The following IL12RB1 variants were observed in gnomAD, a reference collection of about 807,000 sequenced individuals.
IL12RB1 encodes the protein interleukin 12 receptor subunit beta 1.
In IL12RB1, 64 loss-of-function variants were observed where a neutral mutation model predicts 94.4. The observed-to-expected ratio is 0.68, with a 90% confidence interval of 0.55 to 0.83. The LOEUF is 0.83. IL12RB1 is among the 40% of genes least tolerant of loss of function. The pLI is 0.00. For missense variants in IL12RB1, 814 were observed against 855.6 expected (o/e 0.95, Z 0.61); for synonymous variants, 362 against 355.5 (o/e 1.02, Z -0.21).
At chr19:18,089,719 G>A (rs1599589752), upstream of IL12RB1, among the ~76,000 whole-genome samples, 1 of 152,212 alleles carries the variant, frequency 6.6e-6, no homozygotes, top group Non-Finnish European at 1.5e-5. Context: ...GGAGGGAGAA[G>A]GAGAGGGTCT....
At position 18,072,221 on chromosome 19, in the gene IL12RB1, C is replaced by T. The variant is rs753903068; in HGVS notation, c.912G>A (p.Gly304=). 3 of 1,614,028 alleles carry T rather than the reference C, an allele frequency of 1.9e-6. No individual in the cohort carries two copies. Among genetic ancestry groups the T allele is most frequent in the Non-Finnish European group, 2.5e-6 (3 of 1,179,870 alleles). The change falls in exon 9 of 17, where the codon GGG becomes GGA. Residue 304 remains glycine, a synonymous_variant. Transcript: ENST00000593993. ...CAGCACCCGAGAGATAGGGCATCTT[C>T]CCCAGGTGCAGGGTCCTGGTGGCCT... is the stretch of plus-strand genomic sequence containing the variant. ...KAKATRTLHL[G]KMPYLSGAAY... is the part of the protein sequence containing the mutation.
intron 16 of IL12RB1, 80 bp from the exon 17 acceptor site, chr19:18,059,693 G>C: frequency 1.3e-6 from 1 of 774,396 alleles, no homozygotes; most frequent in Non-Finnish European, 2.4e-6. Context: ...TGGATGGAAT[G>C]GGCTGGGTAT....
At chr19:18,094,730 C>T (rs922099187) in intron 1 of IL12RB1, among the ~76,000 whole-genome samples, 12 of 152,044 alleles carry the variant, frequency 7.9e-5, no homozygotes, top group Admixed American at 3.9e-4. Flanking sequence ...CTGGGCATGG[C>T]GGCATGTGCC....
chr19:18,088,404 T>TATATATATATATATATATATATAA (rs1038225227), upstream of IL12RB1, among the ~76,000 whole-genome samples: 663 of 137,616 alleles, frequency 4.8e-3, 7 homozygotes, highest in East Asian at 9.3e-3. Context: ...TATATATATA[T>TATATATATATATATATATATATAA]AAATTAAAAG....
intron 1 of IL12RB1, among the ~76,000 whole-genome samples, chr19:18,093,172 G>A (rs750064343): frequency 7.9e-5 from 12 of 151,904 alleles, no homozygotes; most frequent in Non-Finnish European, 1.5e-4. Context: ...GGGTGTGGTG[G>A]CAGGTGCCTG....
At chr19:18,065,876 C>CA (rs1270919376) in intron 12 of IL12RB1, among the ~76,000 whole-genome samples, 2 of 150,668 alleles carry the variant, frequency 1.3e-5, no homozygotes, top group East Asian at 2.0e-4. Context: ...CTCATTTCTA[C>CA]AAAAAATAAA....
chr19:18,061,213 G>T lies in IL12RB1; in HGVS notation c.1716-16C>A. On this transcript the variant is annotated splice_polypyrimidine_tract_variant and intron_variant, in intron 14 of 16. Coordinates refer to ENST00000593993, the MANE Select transcript of IL12RB1 (RefSeq NM_005535.3). ...CCGTGCGGCCCTGGGGAGGAAAGGG[G>T]ACCAGTGAGAGGAGCTGAGGTTTTT... 2.1e-6 allele frequency: 3 copies of T among 1,413,286 alleles called. 1 individual carries two copies. Among genetic ancestry groups the T allele is most frequent in the East Asian group, 4.7e-5 (2 of 42,424 alleles). 87.5% of individuals were successfully genotyped at this position (1,413,286 alleles called of 1,614,324 possible).
In IL12RB1 at chr19:18,069,571, C is replaced by T. The variant is rs761031233; in HGVS notation, c.1164G>A (p.Pro388=). 28 of 1,610,550 alleles carry T rather than the reference C, an allele frequency of 1.7e-5. No individual in the cohort carries two copies. The highest frequency in any genetic ancestry group is 9.3e-5 in the African/African-American group (7 of 74,936). The change falls in exon 10 of 17, where the codon CCG becomes CCA. Residue 388 remains proline, a synonymous_variant. Transcript: ENST00000593993. ...GGLATCSLTA[P]QDPDPAGMAT... Reference sequence around the variant, plus strand: ...CCATTCCAGCCGGATCCGGGTCTTGCGGCGCAGTCAGGCTGCAGGTGGCAA... The same window carrying T: ...CCATTCCAGCCGGATCCGGGTCTTGTGGCGCAGTCAGGCTGCAGGTGGCAA...
rs778551843 is a variant in IL12RB1, at chr19:18,059,270, T to TC, written c.*337dup. 277 of 441,668 alleles carry TC rather than the reference T, an allele frequency of 6.3e-4. No individual in the cohort carries two copies. Among genetic ancestry groups the TC allele is most frequent in the Non-Finnish European group, 4.4e-4 (105 of 238,502 alleles). 27.4% of individuals were successfully genotyped at this position (441,668 alleles called of 1,614,324 possible). A position where few individuals can be genotyped will look rare whatever the true frequency, so the allele number is the denominator to read the frequency against. ...CTGCAGGGAGCCCTTGAGTCCAGAC[T>TC]CCCCATCCAGTGCTCCTGGGGGTGG... On this transcript the variant is annotated 3_prime_UTR_variant, in exon 17 of 17. Coordinates refer to ENST00000593993, the MANE Select transcript of IL12RB1 (RefSeq NM_005535.3).
chr19:18,059,670 G>A (rs2146054231), intron 16 of IL12RB1, 57 bp from the exon 17 acceptor site: 1 of 779,474 alleles, frequency 1.3e-6, no homozygotes, highest in Non-Finnish European at 2.4e-6. Flanking sequence ...GATTTGGTAG[G>A]GAATCATGTG....
chr19:18,097,750 G>A, intron 1 of IL12RB1: 1 of 1,189,436 alleles, frequency 8.4e-7, no homozygotes, highest in Non-Finnish European at 1.0e-6. Context: ...TGGCAGGCCG[G>A]GGCGGGGCCG....
chr19:18,080,517 G>A (rs1222716015), intron 4 of IL12RB1, among the ~76,000 whole-genome samples: 1 of 152,078 alleles, frequency 6.6e-6, no homozygotes, highest in African/African-American at 2.4e-5. Context: ...GATTACAGGC[G>A]TGATCCACCG....
chr19:18,085,302 C>G (rs1048361868), intron 1 of IL12RB1, among the ~76,000 whole-genome samples: 1 of 152,018 alleles, frequency 6.6e-6, no homozygotes, highest in Non-Finnish European at 1.5e-5. Flanking sequence ...GGCTCTCCAT[C>G]CTTCCATCTC....
At chr19:18,086,062 A>G (rs984586341) in intron 1 of IL12RB1, among the ~76,000 whole-genome samples, 1 of 151,946 alleles carries the variant, frequency 6.6e-6, no homozygotes, top group Non-Finnish European at 1.5e-5. Flanking sequence ...TAAAAAGTAT[A>G]CACCAAAAAA....
Position 18,075,762 on chromosome 19 carries a change from C to G in IL12RB1, c.687G>C (p.Val229=), listed in dbSNP as rs149768779. The G allele has an allele frequency of 6.2e-7, 1 of 1,613,192 alleles. No homozygotes were observed. The highest frequency in any genetic ancestry group is 8.5e-7 in the Non-Finnish European group (1 of 1,179,220). Residue 229 remains valine, a synonymous_variant, in exon 7 of 17, where the codon GTG becomes GTC. Transcript: ENST00000593993. ...GAGTGATCTTACCAGGGGGAACGCACACGGGGCTGCTCCACTTGCTCCAGG... is the reference window on the plus strand; with the variant it reads ...GAGTGATCTTACCAGGGGGAACGCAGACGGGGCTGCTCCACTTGCTCCAGG... ...GSSWSKWSSP[V]CVPPENPPQP...
chr19:18,061,963 C>T (rs1438940930), intron 14 of IL12RB1, among the ~76,000 whole-genome samples: 3 of 152,186 alleles, frequency 2.0e-5, no homozygotes, highest in Admixed American at 6.5e-5. Context: ...CCGCTCTCAG[C>T]GGCTACTCTC....
At chr19:18,084,268 CACCCCCCATCCATCT>C (rs2036155109) in intron 1 of IL12RB1, among the ~76,000 whole-genome samples, 1 of 143,200 alleles carries the variant, frequency 7.0e-6, no homozygotes, top group Non-Finnish European at 1.5e-5. Context: ...TCCATCCATC[CACCCCCCATCCATCT>C]ATCCATCCAT....
intron 15 of IL12RB1, 32 bp from the exon 16 acceptor site, chr19:18,060,117 G>C: frequency 8.0e-7 from 1 of 1,255,712 alleles, no homozygotes; most frequent in South Asian, 1.2e-5. Flanking sequence ...ACAGCTGTGA[G>C]CAGAGCTCTA....
At chr19:18,092,815 T>C (rs2036695849) in intron 1 of IL12RB1, among the ~76,000 whole-genome samples, 1 of 151,924 alleles carries the variant, frequency 6.6e-6, no homozygotes, top group Non-Finnish European at 1.5e-5. Context: ...GATTAGAGGA[T>C]GTTTTAAGGA....
Sources: allele counts gnomAD v4.1 joint callset (sites outside exome capture counted in the v4.1 genomes callset), GRCh38; gene constraint gnomAD v4.1.1; transcripts MANE v1.5; gene names NCBI Gene and HGNC (gene_info 2026-07-23, HGNC 2026-07-21).